The following AFG2A variants were observed in gnomAD, a reference collection of about 807,000 sequenced individuals.
The protein encoded by AFG2A is ATPase family gene 2 protein homolog A.
chr4:122,936,731 G>A, the AFG2A span, among the ~76,000 whole-genome samples: 1 of 152,180 alleles, frequency 6.6e-6, no homozygotes, highest in Non-Finnish European at 1.5e-5. Flanking sequence ...TGTAATCCCA[G>A]CACTTTGGGA....
chr4:123,099,789 T>A, the AFG2A span, among the ~76,000 whole-genome samples: 2 of 151,878 alleles, frequency 1.3e-5, no homozygotes, highest in East Asian at 1.9e-4. Context: ...TGTTATTACA[T>A]GAGTAATGTA....
chr4:123,194,575 G>A, the AFG2A span, among the ~76,000 whole-genome samples: 1 of 152,112 alleles, frequency 6.6e-6, no homozygotes, highest in Non-Finnish European at 1.5e-5. Flanking sequence ...CTGTCTTAAT[G>A]AGTTACATGA....
the AFG2A span, among the ~76,000 whole-genome samples, chr4:123,043,208 T>G: frequency 6.6e-6 from 1 of 152,192 alleles, no homozygotes; most frequent in African/African-American, 2.4e-5. Context: ...TTGAATTGTT[T>G]CTGATAAGAA....
At chr4:123,273,930 T>C in the AFG2A span, among the ~76,000 whole-genome samples, 2 of 152,144 alleles carry the variant, frequency 1.3e-5, no homozygotes, top group African/African-American at 4.8e-5. Flanking sequence ...GGTAATCTCT[T>C]AGTCTTCTGG....
At chr4:122,943,687 G>T in the AFG2A span, among the ~76,000 whole-genome samples, 5 of 152,096 alleles carry the variant, frequency 3.3e-5, no homozygotes, top group African/African-American at 1.2e-4. Flanking sequence ...TATGATGTTA[G>T]CTGGTTATTT....
At chr4:123,128,466 A>T in the AFG2A span, among the ~76,000 whole-genome samples, 7 of 152,168 alleles carry the variant, frequency 4.6e-5, no homozygotes, top group African/African-American at 1.7e-4. Flanking sequence ...AAAATGCAGC[A>T]TCTCCAACAA....
At chr4:123,120,257 A>T in the AFG2A span, among the ~76,000 whole-genome samples, 3 of 152,292 alleles carry the variant, frequency 2.0e-5, no homozygotes, top group East Asian at 5.8e-4. Flanking sequence ...CCGGTGAATC[A>T]TTAACATAGT....
chr4:123,277,454 T>C, the AFG2A span, among the ~76,000 whole-genome samples: 40 of 152,242 alleles, frequency 2.6e-4, no homozygotes, highest in East Asian at 6.0e-3. Context: ...CTCTTCCTAT[T>C]TGGATATCTT....
At chr4:123,207,543 T>C in the AFG2A span, among the ~76,000 whole-genome samples, 1 of 152,136 alleles carries the variant, frequency 6.6e-6, no homozygotes, top group Non-Finnish European at 1.5e-5. Flanking sequence ...CAGGGTGGTC[T>C]CGAACTCCTG....
the AFG2A span, among the ~76,000 whole-genome samples, chr4:123,175,381 G>A: frequency 5.3e-5 from 8 of 152,298 alleles, no homozygotes; most frequent in Middle Eastern, 3.4e-3. Context: ...CTGTCTAAGT[G>A]TATAAAGAGA....
the AFG2A span, among the ~76,000 whole-genome samples, chr4:123,202,956 G>A: frequency 2.0e-5 from 3 of 152,052 alleles, no homozygotes; most frequent in South Asian, 4.2e-4. Context: ...CTAGGGGTTC[G>A]AGGCTGCAGT....
At chr4:123,137,802 A>G in the AFG2A span, among the ~76,000 whole-genome samples, 1 of 151,612 alleles carries the variant, frequency 6.6e-6, no homozygotes, top group African/African-American at 2.4e-5. Context: ...AATATTTTTT[A>G]TTACTTTAAT....
chr4:123,175,390 G>A, the AFG2A span, among the ~76,000 whole-genome samples: 1 of 152,170 alleles, frequency 6.6e-6, no homozygotes, highest in African/African-American at 2.4e-5. Context: ...TGTATAAAGA[G>A]AGATGTTCAA....
the AFG2A span, among the ~76,000 whole-genome samples, chr4:123,172,471 A>G: frequency 6.6e-6 from 1 of 152,204 alleles, no homozygotes; most frequent in Admixed American, 6.5e-5. Context: ...AACGTTTTAC[A>G]TCTTTAGTGA....
chr4:123,210,326 CT>C, the AFG2A span, among the ~76,000 whole-genome samples: 2 of 152,318 alleles, frequency 1.3e-5, no homozygotes, highest in Non-Finnish European at 2.9e-5. Context: ...TTGCTCCTGT[CT>C]AACTGAAATT....
chr4:123,089,505 T>G, the AFG2A span, among the ~76,000 whole-genome samples: 2 of 152,206 alleles, frequency 1.3e-5, no homozygotes, highest in African/African-American at 4.8e-5. Context: ...TCCAAGCTAT[T>G]GCTAATGAGA....
the AFG2A span, among the ~76,000 whole-genome samples, chr4:123,196,766 C>T: frequency 6.6e-6 from 1 of 152,134 alleles, no homozygotes; most frequent in Non-Finnish European, 1.5e-5. Flanking sequence ...AACAATGTCA[C>T]TGTAATTTCC....
chr4:123,175,846 CAG>C, the AFG2A span, among the ~76,000 whole-genome samples: 1 of 152,152 alleles, frequency 6.6e-6, no homozygotes, highest in Admixed American at 6.5e-5. Context: ...GCCCTCCAGC[CAG>C]AGACTCCTGG....
At chr4:123,078,509 A>G in the AFG2A span, among the ~76,000 whole-genome samples, 2 of 152,328 alleles carry the variant, frequency 1.3e-5, no homozygotes, top group Admixed American at 1.3e-4. Context: ...ACTTTTGTCT[A>G]GAATTGTATA....
Sources: gnomAD v4.1 joint callset for allele counts (sites outside exome capture counted in the v4.1 genomes callset) on GRCh38, gnomAD v4.1.1 for gene constraint, MANE v1.5 for transcripts, NCBI Gene and HGNC (gene_info 2026-07-23, HGNC 2026-07-21) for gene names.